The following STT3A variants were observed in gnomAD, a reference collection of about 807,000 sequenced individuals.
STT3A encodes STT3 oligosaccharyltransferase complex catalytic subunit A, also known as dolichyl-diphosphooligosaccharide--protein glycosyltransferase subunit STT3A.
Under a neutral mutation model 89.2 loss-of-function variants are expected in STT3A, and 34 were observed. The ratio of observed to expected loss-of-function variants is 0.38; its 90% CI spans 0.29 to 0.51. STT3A has a LOEUF of 0.51. Among genes scored for constraint, STT3A ranks in the 20% least tolerant of loss-of-function variants. The pLI, the probability that STT3A is intolerant of heterozygous loss-of-function variation, is 0.89. For missense variants in STT3A, 555 were observed against 889.5 expected, an observed-to-expected ratio of 0.62 and a Z score of 4.78; for synonymous variants, 282 against 310.3, an observed-to-expected ratio of 0.91 and a Z score of 0.96.
At position 125,602,960 on chromosome 11, in the gene STT3A, G is replaced by A; in HGVS notation, c.417+12G>A. On this transcript the variant is annotated intron_variant, in intron 5 of 17. Coordinates refer to ENST00000392708, the MANE Select transcript of STT3A (RefSeq NM_152713.5). ...CCAAAGAGCTCAAGGTGAAGGATTT[G>A]GGGTGACAGGAGGCTTGGGAATGAA... The A allele has an allele frequency of 1.9e-6, 3 of 1,613,840 alleles. No homozygotes were observed. The highest frequency in any genetic ancestry group is 2.5e-6 in the Non-Finnish European group (3 of 1,179,876).
intron 8 of STT3A, 115 bp downstream of exon 8, chr11:125,606,580 T>C: frequency 8.7e-7 from 1 of 1,155,312 alleles, no homozygotes; most frequent in South Asian, 1.9e-5. Flanking sequence ...AGCCTTTATA[T>C]TGAACTACTT....
At chr11:125,609,380 C>G (rs1939933046) in intron 9 of STT3A, 54 bp from the exon 10 acceptor site, 4 of 1,503,772 alleles carry the variant, frequency 2.7e-6, no homozygotes, top group Admixed American at 2.3e-5. Flanking sequence ...TCATTTGGAT[C>G]AGATGTTTGT....
rs1384763980 is a variant in STT3A, at chr11:125,622,243, T to A, written c.*1433T>A. Reference sequence around the variant, plus strand: ...TCCTAAGGGATATGCTGTTGTATATTTGTATAGCCAGGGCACTTAGCCTTC... The same window carrying A: ...TCCTAAGGGATATGCTGTTGTATATATGTATAGCCAGGGCACTTAGCCTTC... On this transcript the variant is annotated 3_prime_UTR_variant, in exon 18 of 18. Coordinates refer to ENST00000392708, the MANE Select transcript of STT3A (RefSeq NM_152713.5). 1 of 152,230 alleles carries A rather than the reference T, an allele frequency of 6.6e-6. No homozygotes were observed. The highest frequency in any genetic ancestry group is 1.5e-5 in the Non-Finnish European group (1 of 68,044). 9.4% of individuals were successfully genotyped at this position (152,230 alleles called of 1,614,324 possible).
At chr11:125,607,664 T>C (rs1478868122) in intron 8 of STT3A, among the ~76,000 whole-genome samples, 1 of 152,250 alleles carries the variant, frequency 6.6e-6, no homozygotes, top group Non-Finnish European at 1.5e-5. Context: ...GTGACTACGA[T>C]GCCCACTAGC....
intron 8 of STT3A, among the ~76,000 whole-genome samples, chr11:125,607,291 G>A (rs1341142100): frequency 1.3e-5 from 2 of 152,230 alleles, no homozygotes; most frequent in African/African-American, 2.4e-5. Flanking sequence ...CGTATTAAAT[G>A]CATTTTCTAC....
intron 9 of STT3A, among the ~76,000 whole-genome samples, chr11:125,608,655 A>G (rs1019211807): frequency 6.6e-6 from 1 of 152,226 alleles, no homozygotes; most frequent in Non-Finnish European, 1.5e-5. Flanking sequence ...TTAAATGCAG[A>G]TGGGTACAGA....
intron 3 of STT3A, among the ~76,000 whole-genome samples, chr11:125,598,593 G>T (rs895217858): frequency 5.3e-5 from 8 of 152,030 alleles, no homozygotes. Context: ...TGAATGAGGA[G>T]ACATGTCCTT....
At chr11:125,602,999 C>G (rs368748736) in intron 5 of STT3A, 51 bp downstream of exon 5, 7 of 1,606,250 alleles carry the variant, frequency 4.4e-6, no homozygotes, top group Admixed American at 1.7e-5. Flanking sequence ...TATTGAGCCT[C>G]TCTAATCGAT....
chr11:125,596,930 T>G, intron 2 of STT3A, 129 bp from the exon 3 acceptor site: 1 of 1,017,626 alleles, frequency 9.8e-7, no homozygotes, highest in Admixed American at 2.2e-5. Flanking sequence ...GGATAAAGAC[T>G]TTATTCAGGG....
At chr11:125,607,969 C>A in intron 8 of STT3A, 140 bp from the exon 9 acceptor site, 1 of 786,256 alleles carries the variant, frequency 1.3e-6, no homozygotes, top group Non-Finnish European at 1.9e-6. Flanking sequence ...TAAACCCTTC[C>A]CTAGATTGGC....
intron 10 of STT3A, 130 bp from the exon 11 acceptor site, chr11:125,611,298 G>T: frequency 1.4e-6 from 1 of 696,022 alleles, no homozygotes; most frequent in Non-Finnish European, 2.4e-6. Context: ...GTTTTTTTAG[G>T]ATAAATTCCT....
Position 125,611,441 on chromosome 11 carries a change from C to T in STT3A, c.1131C>T (p.Tyr377=). The T allele has an allele frequency of 6.2e-7, 1 of 1,613,974 alleles. No homozygotes were observed. The change falls in exon 11 of 18, where the codon TAC becomes TAT. Residue 377 remains tyrosine (Y), a synonymous_variant. Transcript: ENST00000392708. ...LVFMFPVGLY[Y]CFSNLSDARI... is the part of the protein sequence containing the mutation. ...CCTCTTTTGTAGTTGGCCTCTATTA[C>T]TGCTTTAGCAACCTGTCTGATGCCC...
intron 8 of STT3A, among the ~76,000 whole-genome samples, chr11:125,607,072 C>T (rs563220972): frequency 6.6e-6 from 1 of 152,314 alleles, no homozygotes; most frequent in Admixed American, 6.5e-5. Flanking sequence ...AAGTGATCTG[C>T]ATTGAGTAGA....
rs531262019 is a variant in STT3A, at chr11:125,623,036, A to G, written c.*2226A>G. 2.9e-5 allele frequency: 4 copies of G among 140,046 alleles called. No homozygotes were observed. The highest frequency in any genetic ancestry group is 1.1e-4 in the African/African-American group (4 of 36,366). The allele number at this position is 140,046 out of a possible 1,614,324, so 8.7% of individuals were successfully genotyped here. A position where few individuals can be genotyped will look rare whatever the true frequency, so the allele number is the denominator to read the frequency against. ...CAGTGAGCAGACATCATGCCACTGC[A>G]CTCCAACCTGGGAGACAGAGCAAGA... On this transcript the variant is annotated 3_prime_UTR_variant, in exon 18 of 18. Coordinates refer to ENST00000392708, the MANE Select transcript of STT3A (RefSeq NM_152713.5).
In STT3A at chr11:125,601,057, G is replaced by A. The variant is rs143603430; in HGVS notation, c.150-1246G>A. 1.1e-3 allele frequency among the ~76,000 whole-genome samples: 167 copies of A among 152,320 alleles called. 1 individual carries two copies. Among genetic ancestry groups the A allele is most frequent in the African/African-American group, 3.8e-3 (158 of 41,578 alleles). Reference sequence around the variant, plus strand: ...TTGCCTCAGTCTTCCAAAGTGCCGGGCTTACAGGCATGAGCTGCCATGCCT... The same window carrying A: ...TTGCCTCAGTCTTCCAAAGTGCCGGACTTACAGGCATGAGCTGCCATGCCT... On this transcript the variant is annotated intron_variant, in intron 3 of 17. Coordinates refer to ENST00000392708, the MANE Select transcript of STT3A (RefSeq NM_152713.5).
At chr11:125,620,398 C>T (rs921072386) in intron 17 of STT3A, among the ~76,000 whole-genome samples, 4 of 151,960 alleles carry the variant, frequency 2.6e-5, no homozygotes, top group Admixed American at 6.6e-5. Flanking sequence ...ATCAGGCTCA[C>T]GGGTGGGGAG....
chr11:125,606,539 G>A (rs1028125778), intron 8 of STT3A, 74 bp downstream of exon 8: 7 of 1,480,318 alleles, frequency 4.7e-6, no homozygotes, highest in Admixed American at 2.3e-5. Context: ...ATTTATCTTA[G>A]ATTCTGTTAA....
At chr11:125,594,254 G>C (rs1476267750) in intron 1 of STT3A, among the ~76,000 whole-genome samples, 1 of 152,162 alleles carries the variant, frequency 6.6e-6, no homozygotes, top group Non-Finnish European at 1.5e-5. Flanking sequence ...CTTTGTTATA[G>C]TCGTTATAAC....
Position 125,612,733 on chromosome 11 carries a change from C to T in STT3A, c.1351C>T (p.Pro451Ser), listed in dbSNP as rs1337122391. Reference sequence around the variant, plus strand: ...CAAGAAGCAACAGGATTCCACCTACCCTATTAAGAATGAAGTGAGAAGCAA... The same window carrying T: ...CAAGAAGCAACAGGATTCCACCTACTCTATTAAGAATGAAGTGAGAAGCAA... ...KSKKQQDSTY[P>S]IKNEVASGMI... Residue 451 changes from proline to serine, a missense_variant, in exon 12 of 18, where the codon CCT becomes TCT. Physicochemically the swap from Pro to Ser is moderately conservative, Grantham distance 74. Around this residue, in one of 5 missense-constraint regions of STT3A, gnomAD observed 273 missense variants for 449.8 expected, o/e 0.61. Transcript: ENST00000392708. 1.9e-6 allele frequency: 3 copies of T among 1,613,832 alleles called. No homozygotes were observed. Among genetic ancestry groups the T allele is most frequent in the Non-Finnish European group, 8.5e-7 (1 of 1,179,914 alleles).
Sources: allele counts gnomAD v4.1 joint callset (sites outside exome capture counted in the v4.1 genomes callset), GRCh38; gene constraint gnomAD v4.1.1; regional missense constraint gnomAD v4.1.1; transcripts MANE v1.5; gene names NCBI Gene and HGNC (gene_info 2026-07-23, HGNC 2026-07-21).